Variants in UBE2D1 observed in about 807,000 individuals in gnomAD.
UBE2D1 encodes ubiquitin-conjugating enzyme E2 D1.
In UBE2D1, 9 loss-of-function variants were observed where a neutral mutation model predicts 24.6. That is an observed-to-expected ratio of 0.37 (90% confidence interval 0.22 to 0.64). UBE2D1 has a LOEUF of 0.64. Ranked by LOEUF, UBE2D1 falls within the 30% of genes least tolerant of loss-of-function variation. UBE2D1 has a pLI of 0.64. For missense variants in UBE2D1, 87 were observed against 177.1 expected (o/e 0.49, Z 2.89); for synonymous variants, 57 against 57.6 (o/e 0.99, Z 0.04).
intron 1 of UBE2D1, among the ~76,000 whole-genome samples, 185 bp from the exon 2 acceptor site, chr10:58,361,153 C>G (rs963862398): frequency 6.6e-6 from 1 of 152,106 alleles, no homozygotes; most frequent in African/African-American, 2.4e-5. Context: ...GAAGCTGTCT[C>G]ATGGAGGAAT....
chr10:58,335,011 C>T lies in UBE2D1; in HGVS notation c.-191C>T. ...TCTCGCCGGCGTCCCCGCCCGCACA[C>T]TCGCGCACACTCGCGCTCGGGCGCA... On this transcript the variant is annotated 5_prime_UTR_variant, in exon 1 of 7. Coordinates refer to ENST00000373910, the MANE Select transcript of UBE2D1 (RefSeq NM_003338.5). 2 of 567,648 alleles carry T rather than the reference C, an allele frequency of 3.5e-6. No individual in the cohort carries two copies. Among genetic ancestry groups the T allele is most frequent in the Non-Finnish European group, 6.0e-6 (2 of 335,078 alleles). 35.2% of individuals were successfully genotyped at this position (567,648 alleles called of 1,614,324 possible). A position where few individuals can be genotyped will look rare whatever the true frequency, so the allele number is the denominator to read the frequency against.
At chr10:58,356,485 T>A (rs997398916) in intron 1 of UBE2D1, among the ~76,000 whole-genome samples, 2 of 152,168 alleles carry the variant, frequency 1.3e-5, no homozygotes, top group African/African-American at 2.4e-5. Flanking sequence ...AGCCATTCTC[T>A]TATTGATGGA....
chr10:58,347,471 G>T (rs1057197309), intron 1 of UBE2D1, among the ~76,000 whole-genome samples: 1 of 151,982 alleles, frequency 6.6e-6, no homozygotes, highest in African/African-American at 2.4e-5. Flanking sequence ...TCAAGAGTCC[G>T]CCATCTAAAC....
At chr10:58,342,713 G>A (rs1464625205) in intron 1 of UBE2D1, among the ~76,000 whole-genome samples, 1 of 151,834 alleles carries the variant, frequency 6.6e-6, no homozygotes, top group Non-Finnish European at 1.5e-5. Flanking sequence ...CCATATGTTT[G>A]GAGATTTTAC....
At position 58,370,231 on chromosome 10, in the gene UBE2D1, T is replaced by C. The variant is rs1292103287; in HGVS notation, c.*1466T>C. ...AAATACATCTCTTTAATGTTTAGCATGCTTGTCAACCTTGAGTGAGTGTCA... is the reference window on the plus strand; with the variant it reads ...AAATACATCTCTTTAATGTTTAGCACGCTTGTCAACCTTGAGTGAGTGTCA... On this transcript the variant is annotated 3_prime_UTR_variant, in exon 7 of 7. Coordinates refer to ENST00000373910, the MANE Select transcript of UBE2D1 (RefSeq NM_003338.5). 2 of 152,208 alleles carry C rather than the reference T, an allele frequency of 1.3e-5. No individual in the cohort carries two copies. Among genetic ancestry groups the C allele is most frequent in the Non-Finnish European group, 2.9e-5 (2 of 67,940 alleles). The allele number at this position is 152,208 out of a possible 1,614,324, so 9.4% of individuals were successfully genotyped here. A position where few individuals can be genotyped will look rare whatever the true frequency, so the allele number is the denominator to read the frequency against.
chr10:58,368,101 T>A, intron 6 of UBE2D1, 85 bp downstream of exon 6: 1 of 955,906 alleles, frequency 1.0e-6, no homozygotes, highest in Non-Finnish European at 1.6e-6. Flanking sequence ...ATGTTTTAAG[T>A]CAATTTGATT....
chr10:58,342,360 AAG>A (rs1839970030), intron 1 of UBE2D1, among the ~76,000 whole-genome samples: 3 of 151,890 alleles, frequency 2.0e-5, no homozygotes, highest in Admixed American at 6.6e-5. Context: ...TTTCAGACTT[AAG>A]AAACTTCTCC....
In UBE2D1 at chr10:58,369,409, T is replaced by A. The variant is rs530982718; in HGVS notation, c.*644T>A. The A allele has an allele frequency of 1.5e-3, 223 of 152,630 alleles. 1 individual carries two copies. The highest frequency in any genetic ancestry group is 2.5e-3 in the Non-Finnish European group (171 of 67,824). The allele number at this position is 152,630 out of a possible 1,614,324, so 9.5% of individuals were successfully genotyped here. A position where few individuals can be genotyped will look rare whatever the true frequency, so the allele number is the denominator to read the frequency against. ...ACTGATTATGGAGAAACACTTGTTT[T>A]GATTTTGTTATACTTGACTTAACTT... On this transcript the variant is annotated 3_prime_UTR_variant, in exon 7 of 7. Coordinates refer to ENST00000373910, the MANE Select transcript of UBE2D1 (RefSeq NM_003338.5).
chr10:58,363,815 T>C (rs1840226123), intron 4 of UBE2D1, 129 bp downstream of exon 4: 1 of 604,762 alleles, frequency 1.7e-6, no homozygotes, highest in East Asian at 3.1e-5. Context: ...TTTCAAACTG[T>C]TTTGTAAAAA....
chr10:58,366,893 T>G lies in UBE2D1; in HGVS notation c.305-1030T>G, dbSNP rs562731483. On this transcript the variant is annotated intron_variant, in intron 5 of 6. Transcript: ENST00000373910. ...CACCATTGCCTGGAGCTTTTCCATA[T>G]TTTAAATGTCTTCTTTTGCTTTTTA... Among the ~76,000 whole-genome samples the G allele has an allele frequency of 2.6e-5, 4 of 152,280 alleles. No homozygotes were observed. In the East Asian group the frequency reaches 7.7e-4, roughly 29 times the overall value.
intron 5 of UBE2D1, among the ~76,000 whole-genome samples, chr10:58,366,430 C>T (rs1475585639): frequency 6.6e-6 from 1 of 152,078 alleles, no homozygotes; most frequent in Non-Finnish European, 1.5e-5. Flanking sequence ...AAAGGATAGA[C>T]ATGGTTTGTG....
intron 1 of UBE2D1, 126 bp downstream of exon 1, chr10:58,335,351 G>C (rs925247811): frequency 1.5e-5 from 17 of 1,163,804 alleles, no homozygotes; most frequent in African/African-American, 1.6e-5. Flanking sequence ...GTGCGGGCAG[G>C]GAGCTGAAGG....
chr10:58,360,572 G>A (rs564441015), intron 1 of UBE2D1, among the ~76,000 whole-genome samples: 1 of 152,176 alleles, frequency 6.6e-6, no homozygotes, highest in Non-Finnish European at 1.5e-5. Flanking sequence ...ATGAATCAAT[G>A]TTCTAAGTTT....
intron 1 of UBE2D1, among the ~76,000 whole-genome samples, chr10:58,337,488 T>G (rs948633992): frequency 3.9e-5 from 6 of 152,226 alleles, no homozygotes; most frequent in African/African-American, 1.4e-4. Context: ...TTTGAATCTT[T>G]CATGTTCCAA....
chr10:58,350,674 T>G (rs532894381), intron 1 of UBE2D1, among the ~76,000 whole-genome samples: 2 of 152,326 alleles, frequency 1.3e-5, no homozygotes, highest in Non-Finnish European at 2.9e-5. Context: ...AATCTCTGCC[T>G]TTATGGGGTT....
intron 1 of UBE2D1, among the ~76,000 whole-genome samples, chr10:58,361,108 C>T (rs1840192428): frequency 6.6e-6 from 1 of 152,012 alleles, no homozygotes; most frequent in South Asian, 2.1e-4. Flanking sequence ...TAAAGAAAAA[C>T]AGTATTTTTT....
intron 1 of UBE2D1, among the ~76,000 whole-genome samples, chr10:58,347,141 ACT>A (rs1840026130): frequency 6.6e-6 from 1 of 151,696 alleles, no homozygotes; most frequent in South Asian, 2.1e-4. Flanking sequence ...CTTATATCAG[ACT>A]CTTCTACACG....
At chr10:58,366,132 T>C (rs551695845) in intron 5 of UBE2D1, among the ~76,000 whole-genome samples, 4 of 152,310 alleles carry the variant, frequency 2.6e-5, no homozygotes, top group South Asian at 2.1e-4. Context: ...TTTCCTGGAA[T>C]GGTGTCACAA....
chr10:58,343,576 A>G (rs1008858237), intron 1 of UBE2D1, among the ~76,000 whole-genome samples: 14 of 152,214 alleles, frequency 9.2e-5, no homozygotes, highest in Admixed American at 5.9e-4. Context: ...ATACATATAC[A>G]CATACACAGA....
Sources: gnomAD v4.1 joint callset for allele counts (sites outside exome capture counted in the v4.1 genomes callset) on GRCh38, gnomAD v4.1.1 for gene constraint, MANE v1.5 for transcripts, NCBI Gene and HGNC (gene_info 2026-07-23, HGNC 2026-07-21) for gene names.